Variants in ARPP21 observed in about 807,000 individuals in gnomAD.
The protein encoded by ARPP21 is cAMP-regulated phosphoprotein 21.
Under a neutral mutation model 113.2 loss-of-function variants are expected in ARPP21, and 69 were observed. The ratio of observed to expected loss-of-function variants is 0.61; its 90% CI spans 0.50 to 0.74. The LOEUF (loss-of-function observed/expected upper bound fraction) is 0.74. Among genes scored for constraint, ARPP21 ranks in the 30% least tolerant of loss-of-function variants. The pLI is 0.00. For synonymous variants in ARPP21, 368 were observed against 375.5 expected (o/e 0.98, Z 0.23); for missense variants, 1,070 against 1,037.4 (o/e 1.03, Z -0.43).
At chr3:35,721,369 A>C (rs371459068) in intron 13 of ARPP21, among the ~76,000 whole-genome samples, 4 of 152,318 alleles carry the variant, frequency 2.6e-5, no homozygotes, top group African/African-American at 9.6e-5. Context: ...GGGATCATGT[A>C]ACATTTCTAG....
chr3:35,713,838 A>G (rs1231902665), intron 11 of ARPP21, among the ~76,000 whole-genome samples: 1 of 152,218 alleles, frequency 6.6e-6, no homozygotes, highest in Non-Finnish European at 1.5e-5. Context: ...AGTCTCAATA[A>G]TTCCAATATC....
At chr3:35,734,882 GA>G (rs2094240609) in intron 15 of ARPP21, among the ~76,000 whole-genome samples, 2 of 152,132 alleles carry the variant, frequency 1.3e-5, no homozygotes, top group African/African-American at 4.8e-5. Context: ...TTGCGTATAT[GA>G]AAATCAGTGT....
At chr3:35,679,748 T>A (rs570526972) in intron 1 of ARPP21, 39 bp from the exon 2 acceptor site, 1 of 152,298 alleles carries the variant, frequency 6.6e-6, no homozygotes, top group East Asian at 2.0e-4. Flanking sequence ...CTACCATGAT[T>A]ATTGCAATTA....
intron 15 of ARPP21, among the ~76,000 whole-genome samples, chr3:35,733,198 CT>C (rs370016238): frequency 0.023 from 3,345 of 144,162 alleles, 84 homozygotes; most frequent in African/African-American, 0.068. Context: ...TTTTTATTTG[CT>C]TTTTTTTTTT....
intron 1 of ARPP21, among the ~76,000 whole-genome samples, chr3:35,663,901 G>A (rs1252838186): frequency 1.3e-5 from 2 of 152,158 alleles, no homozygotes; most frequent in Admixed American, 6.5e-5. Context: ...CTCAAAAAAG[G>A]TGCAGGGCAT....
chr3:35,699,687 G>A (rs1056567798), intron 9 of ARPP21, among the ~76,000 whole-genome samples: 1 of 151,434 alleles, frequency 6.6e-6, no homozygotes, highest in Non-Finnish European at 1.5e-5. Flanking sequence ...TTATTTACAC[G>A]TACCAAAAAT....
At position 35,651,456 on chromosome 3, in the gene ARPP21, G is replaced by T. The variant is rs114692175; in HGVS notation, c.-213+11058G>T. Among the ~76,000 whole-genome samples, 922 of 151,830 alleles carry T rather than the reference G, an allele frequency of 6.1e-3. 7 individuals carry two copies. The highest frequency in any genetic ancestry group is 0.021 in the African/African-American group (879 of 41,412). On this transcript the variant is annotated intron_variant, in intron 1 of 20. Coordinates refer to ENST00000684406, the MANE Select transcript of ARPP21 (RefSeq NM_001385562.1). Reference sequence around the variant, plus strand: ...AATATTCATGCATCCATTTTTATTGGCTTGTTCATAAATGTTAACTATGCT... The same window carrying T: ...AATATTCATGCATCCATTTTTATTGTCTTGTTCATAAATGTTAACTATGCT...
intron 19 of ARPP21, among the ~76,000 whole-genome samples, chr3:35,759,375 C>A (rs1359380488): frequency 6.6e-6 from 1 of 152,076 alleles, no homozygotes; most frequent in Non-Finnish European, 1.5e-5. Context: ...TTACTCAGAG[C>A]AATGACATAA....
intron 1 of ARPP21, among the ~76,000 whole-genome samples, chr3:35,669,619 C>T (rs998851388): frequency 6.6e-6 from 1 of 152,084 alleles, no homozygotes; most frequent in Non-Finnish European, 1.5e-5. Flanking sequence ...CATAGGAATG[C>T]CACATCACAT....
intron 14 of ARPP21, among the ~76,000 whole-genome samples, chr3:35,725,809 C>A (rs142875759): frequency 1.3e-5 from 2 of 152,176 alleles, no homozygotes; most frequent in Admixed American, 1.3e-4. Context: ...GTGGCTACCC[C>A]CTAGGGTTCA....
intron 5 of ARPP21, chr3:35,685,921 G>A (rs758151395): frequency 5.6e-5 from 23 of 412,316 alleles, no homozygotes; most frequent in Admixed American, 2.6e-4. Context: ...TTTCAACACC[G>A]TAATATATAT....
chr3:35,769,256 C>T (rs895217010), intron 19 of ARPP21, among the ~76,000 whole-genome samples: 13 of 152,074 alleles, frequency 8.5e-5, no homozygotes, highest in Middle Eastern at 3.2e-3. Flanking sequence ...ACAACATGCC[C>T]GCGAAGAGGC....
intron 19 of ARPP21, among the ~76,000 whole-genome samples, chr3:35,780,655 C>T (rs2096502181): frequency 6.6e-6 from 1 of 151,938 alleles, no homozygotes; most frequent in African/African-American, 2.4e-5. Flanking sequence ...CAGAGATTCT[C>T]GAAGTGTGGT....
chr3:35,765,581 A>T (rs1186990250), intron 19 of ARPP21, among the ~76,000 whole-genome samples: 1 of 152,136 alleles, frequency 6.6e-6, no homozygotes, highest in Non-Finnish European at 1.5e-5. Context: ...ACAAAACTCC[A>T]CCATTCCAAA....
intron 19 of ARPP21, among the ~76,000 whole-genome samples, chr3:35,757,069 A>ATTT (rs142766845): frequency 0.11 from 15,252 of 136,918 alleles, 998 homozygotes; most frequent in Non-Finnish European, 0.14. Flanking sequence ...CCTTTTAGTG[A>ATTT]TTTTTTTTTT....
At chr3:35,765,507 G>C (rs368136992) in intron 19 of ARPP21, among the ~76,000 whole-genome samples, 1 of 152,106 alleles carries the variant, frequency 6.6e-6, no homozygotes, top group African/African-American at 2.4e-5. Context: ...AAATCAGCCA[G>C]CAAGCTTTCT....
At chr3:35,790,972 T>C (rs2096735263) in intron 19 of ARPP21, among the ~76,000 whole-genome samples, 2 of 152,162 alleles carry the variant, frequency 1.3e-5, no homozygotes, top group African/African-American at 2.4e-5. Context: ...ACCTCTCAAA[T>C]TGGCCTTTTC....
chr3:35,674,857 G>A (rs1361952174), intron 1 of ARPP21, among the ~76,000 whole-genome samples: 2 of 151,900 alleles, frequency 1.3e-5, no homozygotes, highest in Non-Finnish European at 2.9e-5. Flanking sequence ...CGTTCACAAG[G>A]AGAAAAGATA....
At chr3:35,721,550 C>A in intron 13 of ARPP21, 55 bp from the exon 14 acceptor site, 2 of 1,006,888 alleles carry the variant, frequency 2.0e-6, no homozygotes, top group Non-Finnish European at 1.6e-6. Context: ...CCTACCAACA[C>A]CATGCATGTA....
Sources: allele counts gnomAD v4.1 joint callset (sites outside exome capture counted in the v4.1 genomes callset), GRCh38; gene constraint gnomAD v4.1.1; transcripts MANE v1.5; gene names NCBI Gene and HGNC (gene_info 2026-07-23, HGNC 2026-07-21).